PKHD1: variants seen among roughly 807,000 people sequenced by gnomAD.
The protein encoded by PKHD1 is fibrocystin.
In PKHD1, 291 loss-of-function variants were observed where a neutral mutation model predicts 412.0. The observed-to-expected ratio is 0.71, with a 90% CI of 0.64 to 0.78. The LOEUF is 0.78. Among genes scored for constraint, PKHD1 ranks in the 30% least tolerant of loss-of-function variants. The pLI is 0.00. For missense variants in PKHD1, 4,825 were observed against 4,950.7 expected, an observed-to-expected ratio of 0.97 and a Z score of 0.76; for synonymous variants, 1,777 against 1,821.5, an observed-to-expected ratio of 0.98 and a Z score of 0.62.
intron 60 of PKHD1, among the ~76,000 whole-genome samples, chr6:51,713,163 G>T (rs1780849629): frequency 6.6e-6 from 1 of 152,194 alleles, no homozygotes; most frequent in African/African-American, 2.4e-5. Flanking sequence ...CTCAGCAGGT[G>T]CAAGAGAGGA....
intron 11 of PKHD1, among the ~76,000 whole-genome samples, chr6:52,068,081 A>C (rs1258907539): frequency 2.0e-5 from 3 of 152,184 alleles, no homozygotes; most frequent in Non-Finnish European, 4.4e-5. Flanking sequence ...AGGAGGAAGG[A>C]GAAATTTTAG....
At chr6:51,662,663 G>A (rs949497036) in intron 60 of PKHD1, among the ~76,000 whole-genome samples, 1 of 151,668 alleles carries the variant, frequency 6.6e-6, no homozygotes, top group Non-Finnish European at 1.5e-5. Context: ...TTGGAAAACA[G>A]CAACAAAATT....
chr6:51,667,486 T>G (rs1386366286), intron 60 of PKHD1, among the ~76,000 whole-genome samples: 6 of 149,596 alleles, frequency 4.0e-5, no homozygotes, highest in Non-Finnish European at 9.0e-5. Context: ...TTTCTCCCAT[T>G]TTGTAGGTTG....
chr6:51,775,107 G>T (rs73428006), intron 54 of PKHD1, among the ~76,000 whole-genome samples: 27,745 of 150,538 alleles, frequency 0.18, 3,356 homozygotes, highest in African/African-American at 0.34. Flanking sequence ...CAATACAATA[G>T]CTAAAAGAGT....
At position 51,941,060 on chromosome 6, in the gene PKHD1, C is replaced by A. The variant is rs570934366; in HGVS notation, c.5909-6738G>T. Among the ~76,000 whole-genome samples, 19 of 151,084 alleles carry A rather than the reference C, an allele frequency of 1.3e-4. No homozygotes were observed. In the South Asian group the frequency reaches 3.8e-3, roughly 30 times the overall value. ...TTCGCATCCTCCTCTTGTATCCCCC[C>A]CCACCTTAACCCACAAATATAAGAC... On this transcript the variant is annotated intron_variant, in intron 36 of 66. Transcript: ENST00000371117.
intron 44 of PKHD1, 87 bp downstream of exon 44, chr6:51,887,046 G>C: frequency 1.2e-6 from 1 of 860,862 alleles, no homozygotes. Flanking sequence ...TCCAACAAAT[G>C]CCCAAAGTGC....
At chr6:51,621,067 C>T (rs528968957) in intron 66 of PKHD1, among the ~76,000 whole-genome samples, 29 of 152,130 alleles carry the variant, frequency 1.9e-4, no homozygotes, top group Admixed American at 5.9e-4. Context: ...AGTGTTTCTT[C>T]ACAGCTCAAA....
At chr6:51,966,661 C>A (rs1006668752) in intron 35 of PKHD1, among the ~76,000 whole-genome samples, 1 of 152,266 alleles carries the variant, frequency 6.6e-6, no homozygotes, top group Middle Eastern at 3.4e-3. Flanking sequence ...CCAGGAACTA[C>A]AGAGTAGATG....
intron 18 of PKHD1, 52 bp from the exon 19 acceptor site, chr6:52,055,781 C>A (rs550983635): frequency 2.5e-6 from 4 of 1,586,886 alleles, no homozygotes; most frequent in Non-Finnish European, 3.5e-6. Context: ...TTAAAAAAGA[C>A]AGAGCTTCCC....
At chr6:51,921,096 G>A (rs1177832281) in intron 37 of PKHD1, among the ~76,000 whole-genome samples, 1 of 151,912 alleles carries the variant, frequency 6.6e-6, no homozygotes, top group East Asian at 1.9e-4. Flanking sequence ...TTGATTTTTT[G>A]AAGGGTTTTT....
chr6:51,722,739 A>G (rs1782082818), intron 60 of PKHD1, among the ~76,000 whole-genome samples: 1 of 152,220 alleles, frequency 6.6e-6, no homozygotes, highest in Non-Finnish European at 1.5e-5. Flanking sequence ...TAATTGGGGA[A>G]AGCCACATGC....
At chr6:52,047,659 G>A (rs764633168) in intron 23 of PKHD1, among the ~76,000 whole-genome samples, 15 of 152,122 alleles carry the variant, frequency 9.9e-5, no homozygotes, top group Admixed American at 2.6e-4. Context: ...TAACTCTGAC[G>A]GACCATGGCT....
chr6:51,972,580 T>C (rs1235364399), intron 35 of PKHD1, among the ~76,000 whole-genome samples: 1 of 152,226 alleles, frequency 6.6e-6, no homozygotes, highest in East Asian at 1.9e-4. Context: ...GCAGATTTTG[T>C]AGAATAAAAC....
At chr6:52,031,410 A>C (rs1366683573) in intron 29 of PKHD1, among the ~76,000 whole-genome samples, 1 of 152,214 alleles carries the variant, frequency 6.6e-6, no homozygotes, top group Non-Finnish European at 1.5e-5. Flanking sequence ...TTCTGGCCTC[A>C]CTTCCATTTT....
At chr6:51,960,875 C>T (rs1791926938) in intron 35 of PKHD1, among the ~76,000 whole-genome samples, 1 of 152,116 alleles carries the variant, frequency 6.6e-6, no homozygotes, top group Non-Finnish European at 1.5e-5. Context: ...TTTTTTAAAA[C>T]AGGGACATAA....
intron 37 of PKHD1, among the ~76,000 whole-genome samples, chr6:51,927,241 G>T (rs9474114): frequency 0.032 from 4,915 of 152,024 alleles, 307 homozygotes; most frequent in African/African-American, 0.11. Context: ...TCCCTCTAGG[G>T]CACCCTTTTT....
intron 35 of PKHD1, among the ~76,000 whole-genome samples, chr6:52,004,594 T>TA (rs1798832541): frequency 1.3e-5 from 2 of 152,230 alleles, no homozygotes; most frequent in Admixed American, 1.3e-4. Flanking sequence ...TTCCTTCCTT[T>TA]AAAGGGTGTT....
chr6:52,014,789 C>G (rs898882557), intron 34 of PKHD1, among the ~76,000 whole-genome samples: 4 of 142,148 alleles, frequency 2.8e-5, no homozygotes, highest in African/African-American at 1.1e-4. Flanking sequence ...ATGGATGGAT[C>G]ATGGATGGAT....
intron 35 of PKHD1, among the ~76,000 whole-genome samples, chr6:51,962,707 G>A (rs571119565): frequency 2.6e-5 from 4 of 152,054 alleles, no homozygotes; most frequent in South Asian, 4.2e-4. Context: ...GGCCTCTCCC[G>A]GGATGCTCTT....
Sources: allele counts gnomAD v4.1 joint callset (sites outside exome capture counted in the v4.1 genomes callset), GRCh38; gene constraint gnomAD v4.1.1; transcripts MANE v1.5; gene names NCBI Gene and HGNC (gene_info 2026-07-23, HGNC 2026-07-21).